Variants in CACNA1B observed in about 807,000 individuals in gnomAD.
The protein encoded by CACNA1B is voltage-dependent N-type calcium channel subunit alpha-1B.
A neutral mutation model predicts 247.2 loss-of-function variants in CACNA1B; 70 were observed. The observed-to-expected ratio is 0.28, with a 90% CI of 0.23 to 0.35. The LOEUF (loss-of-function observed/expected upper bound fraction) is 0.35, where lower values mean the gene tolerates loss of function less well. Ranked by LOEUF, CACNA1B falls within the 10% of genes least tolerant of loss-of-function variation. The pLI, the probability that CACNA1B is intolerant of heterozygous loss-of-function variation, is 1.00. For synonymous variants in CACNA1B, 1,231 were observed against 1,294.4 expected (o/e 0.95, Z 1.05); for missense variants, 2,367 against 3,197.4 (o/e 0.74, Z 6.26).
At chr9:138,115,946 G>A (rs1961838375) in intron 42 of CACNA1B, among the ~76,000 whole-genome samples, 1 of 152,252 alleles carries the variant, frequency 6.6e-6, no homozygotes, top group African/African-American at 2.4e-5. Context: ...CTTGCTGCCT[G>A]AGAGCAGTCA....
intron 6 of CACNA1B, among the ~76,000 whole-genome samples, chr9:137,924,006 G>A (rs1373617927): frequency 6.6e-6 from 1 of 152,108 alleles, no homozygotes; most frequent in Non-Finnish European, 1.5e-5. Flanking sequence ...TCTAGGAACT[G>A]GTTCTTTGTC....
In CACNA1B at chr9:138,121,574, C is replaced by T; in HGVS notation, c.6595C>T (p.Pro2199Ser). ...CCCCCAGACGCCCCTGACTCCCCGC[C>T]CCAGCATCACCTACAAGACGGCCAA... Reference protein sequence around the residue: ...QLPQTPLTPRPSITYKTANSS... With the variant: ...QLPQTPLTPRSSITYKTANSS... The change falls in exon 47 of 47, where the codon CCC (proline) becomes TCC (serine). Residue 2199 changes from proline to serine, a missense_variant. Physicochemically the swap from Pro to Ser is moderately conservative, Grantham distance 74. This residue lies in a region of CACNA1B where 773 missense variants were observed against 779.4 expected (regional missense o/e 0.99). Transcript: ENST00000371372. This position sits in a 1 kb window ranked among gnomAD's most constrained non-coding sequence, Gnocchi z 6.8. 1 of 1,611,514 alleles carries T rather than the reference C, an allele frequency of 6.2e-7. No individual in the cohort carries two copies. The highest frequency in any genetic ancestry group is 8.5e-7 in the Non-Finnish European group (1 of 1,178,408).
chr9:137,968,408 C>T (rs1205215624), intron 10 of CACNA1B, among the ~76,000 whole-genome samples: 1 of 152,238 alleles, frequency 6.6e-6, no homozygotes, highest in African/African-American at 2.4e-5. Flanking sequence ...TGCTGTCTCA[C>T]TGAATCCCAC....
At chr9:137,942,291 C>A (rs1374590230) in intron 6 of CACNA1B, among the ~76,000 whole-genome samples, 1 of 152,094 alleles carries the variant, frequency 6.6e-6, no homozygotes, top group Non-Finnish European at 1.5e-5. Context: ...CTTACTCCTG[C>A]AAGAATGGTG....
At chr9:137,883,748 G>A (rs1956962387) in intron 3 of CACNA1B, among the ~76,000 whole-genome samples, 1 of 152,220 alleles carries the variant, frequency 6.6e-6, no homozygotes, top group African/African-American at 2.4e-5. Flanking sequence ...TGCTGGGCCA[G>A]GGACCACTGT....
At position 137,952,372 on chromosome 9, in the gene CACNA1B, C is replaced by T. The variant is rs200389919; in HGVS notation, c.1065C>T (p.Leu355=). The change falls in exon 7 of 47, where the codon CTC becomes CTT. Residue 355 remains leucine (L), a synonymous_variant. Coordinates refer to ENST00000371372, the MANE Select transcript of CACNA1B (RefSeq NM_000718.4). The surrounding 1 kb of genome is among the most constrained non-coding windows in gnomAD (Gnocchi z 4.8). ...FFMLNLVLGV[L]SGEFAKERER... ...TGCTCAACCTGGTGCTGGGCGTGCT[C>T]TCGGGGTGAGAGACCATGTGGGGGA... is the stretch of plus-strand genomic sequence containing the variant. 2.5e-6 allele frequency: 4 copies of T among 1,613,314 alleles called. No individual in the cohort carries two copies. The highest frequency in any genetic ancestry group is 2.5e-6 in the Non-Finnish European group (3 of 1,179,342).
At position 138,096,483 on chromosome 9, in the gene CACNA1B, G is replaced by A; in HGVS notation, c.5095-1G>A. 6.2e-7 allele frequency: 1 copy of A among 1,613,312 alleles called. No homozygotes were observed. The highest frequency in any genetic ancestry group is 8.5e-7 in the Non-Finnish European group (1 of 1,179,468). On this transcript the variant is annotated splice_acceptor_variant, in intron 36 of 46. Coordinates refer to ENST00000371372, the MANE Select transcript of CACNA1B (RefSeq NM_000718.4). LOFTEE classifies it high-confidence loss of function. ...CACCTGTTCTCCTTCCTGTCCTGCA[G>A]ATGTTGAACCTCTTTGTGGCTGTGA...
chr9:138,012,288 T>C lies in CACNA1B; in HGVS notation c.2161-841T>C, dbSNP rs1589067413. Among the ~76,000 whole-genome samples, 1 of 152,278 alleles carries C rather than the reference T, an allele frequency of 6.6e-6. No individual in the cohort carries two copies. Among genetic ancestry groups the C allele is most frequent in the East Asian group, 1.9e-4 (1 of 5,172 alleles). Reference sequence around the variant, plus strand: ...CCACTGGACACCCTCCTGGTGGCAGTGCTTGTGGGCAGTGCTGGGTCAGGA... The same window carrying C: ...CCACTGGACACCCTCCTGGTGGCAGCGCTTGTGGGCAGTGCTGGGTCAGGA... On this transcript the variant is annotated intron_variant, in intron 17 of 46. Transcript: ENST00000371372. This position sits in a 1 kb window ranked among gnomAD's most constrained non-coding sequence, Gnocchi z 4.2.
chr9:137,978,423 G>A (rs940520269), intron 12 of CACNA1B, among the ~76,000 whole-genome samples: 1 of 148,352 alleles, frequency 6.7e-6, no homozygotes, highest in Non-Finnish European at 1.5e-5. Flanking sequence ...AGGAGTGACA[G>A]GTGGGAGCAC....
At chr9:137,975,094 T>C (rs907053160) in intron 11 of CACNA1B, among the ~76,000 whole-genome samples, 3 of 152,176 alleles carry the variant, frequency 2.0e-5, no homozygotes, top group East Asian at 1.9e-4. Flanking sequence ...CTTCCCTCTT[T>C]CTGCTTGGGC....
Position 137,888,233 on chromosome 9 carries a change from C to T in CACNA1B, c.530+5350C>T, listed in dbSNP as rs1957044379. ...CAGAAAAGGTAGAGCCCACGGGAAG[C>T]CCCGTGGTGCCTCCGGAGTCTGTCA... On this transcript the variant is annotated intron_variant, in intron 3 of 46. Coordinates refer to ENST00000371372, the MANE Select transcript of CACNA1B (RefSeq NM_000718.4). The surrounding 1 kb of genome is among the most constrained non-coding windows in gnomAD (Gnocchi z 4.7). Among the ~76,000 whole-genome samples, 1 of 152,092 alleles carries T rather than the reference C, an allele frequency of 6.6e-6. No individual in the cohort carries two copies. Among genetic ancestry groups the T allele is most frequent in the Non-Finnish European group, 1.5e-5 (1 of 67,990 alleles).
chr9:138,120,066 G>GGGCCTGCTGTCT, intron 44 of CACNA1B, 99 bp from the exon 45 acceptor site: 1 of 998,498 alleles, frequency 1.0e-6, no homozygotes. Flanking sequence ...GGGGGCGTGT[G>GGGCCTGCTGTCT]GGCCTGCTGT....
At chr9:138,026,844 C>G (rs974236614) in intron 20 of CACNA1B, among the ~76,000 whole-genome samples, 1 of 152,208 alleles carries the variant, frequency 6.6e-6, no homozygotes, top group Non-Finnish European at 1.5e-5. Context: ...AAGAAACTGA[C>G]AAACTATCTT....
rs1347832952 is a variant in CACNA1B at position 138,123,580 on chromosome 9, G to A, written c.*1581G>A. On this transcript the variant is annotated 3_prime_UTR_variant, in exon 47 of 47. Coordinates refer to ENST00000371372, the MANE Select transcript of CACNA1B (RefSeq NM_000718.4). ...GTGTGATGTGTGTGTGTGTGTGTGT[G>A]TGTGTGTGTCTGTGTCACAGGAGAT... 1 of 152,290 alleles carries A rather than the reference G, an allele frequency of 6.6e-6. No individual in the cohort carries two copies. The highest frequency in any genetic ancestry group is 1.5e-5 in the Non-Finnish European group (1 of 68,148). 9.4% of individuals were successfully genotyped at this position (152,290 alleles called of 1,614,324 possible).
At position 137,881,685 on chromosome 9, in the gene CACNA1B, C is replaced by T. The variant is rs1468375865; in HGVS notation, c.391-1059C>T. Among the ~76,000 whole-genome samples, 1 of 152,214 alleles carries T rather than the reference C, an allele frequency of 6.6e-6. No individual in the cohort carries two copies. Among genetic ancestry groups the T allele is most frequent in the Non-Finnish European group, 1.5e-5 (1 of 68,026 alleles). On this transcript the variant is annotated intron_variant, in intron 2 of 46. Transcript: ENST00000371372. This position sits in a 1 kb window ranked among gnomAD's most constrained non-coding sequence, Gnocchi z 4.3. ...TGCCTTGCACAGGGCCTTTCCCTGC[C>T]AGCCCCACGCGTGTGCTCACGAGGA...
rs111865670 is a variant in CACNA1B at position 137,941,113 on chromosome 9, G to A, written c.967-11161G>A. Among the ~76,000 whole-genome samples, 1,230 of 152,260 alleles carry A rather than the reference G, an allele frequency of 8.1e-3. 7 individuals are homozygous for A. Among genetic ancestry groups the A allele is most frequent in the South Asian group, 0.012 (60 of 4,820 alleles). On this transcript the variant is annotated intron_variant, in intron 6 of 46. Coordinates refer to ENST00000371372, the MANE Select transcript of CACNA1B (RefSeq NM_000718.4). ...AAAGGTTATCCAAATTGGGAAAGAGGAAGTCAGACTGTCGCTGTTTGTTTG... is the reference window on the plus strand; with the variant it reads ...AAAGGTTATCCAAATTGGGAAAGAGAAAGTCAGACTGTCGCTGTTTGTTTG...
chr9:137,917,753 G>T lies in CACNA1B; in HGVS notation c.966+322G>T, dbSNP rs1011676275. 1.3e-5 allele frequency among the ~76,000 whole-genome samples: 2 copies of T among 152,224 alleles called. No homozygotes were observed. The highest frequency in any genetic ancestry group is 2.4e-5 in the African/African-American group (1 of 41,450). Reference sequence around the variant, plus strand: ...TGCTGCTGTTTCTGTTGGCAAGGACGATAGTAGCACTGCTAGCTGCTCTGG... The same window carrying T: ...TGCTGCTGTTTCTGTTGGCAAGGACTATAGTAGCACTGCTAGCTGCTCTGG... On this transcript the variant is annotated intron_variant, in intron 6 of 46. Transcript: ENST00000371372. The surrounding 1 kb of genome is among the most constrained non-coding windows in gnomAD (Gnocchi z 5.5).
intron 3 of CACNA1B, among the ~76,000 whole-genome samples, chr9:137,896,770 G>A (rs34595384): frequency 0.084 from 12,822 of 152,152 alleles, 648 homozygotes; most frequent in Admixed American, 0.13. Context: ...CTTTTTGGGA[G>A]CTTTCAAGTT....
At chr9:138,118,618 G>T in intron 43 of CACNA1B, 34 bp from the exon 44 acceptor site, 4 of 1,076,016 alleles carry the variant, frequency 3.7e-6, no homozygotes, top group Non-Finnish European at 5.6e-6. Context: ...GCGGTGCCTT[G>T]TGTGGTGGGA....
Sources: gnomAD v4.1 joint callset for allele counts (sites outside exome capture counted in the v4.1 genomes callset) on GRCh38, gnomAD v4.1.1 for gene constraint, gnomAD v4.1.1 regional missense constraint, Gnocchi (gnomAD v3.1) non-coding constraint, MANE v1.5 for transcripts, NCBI Gene and HGNC (gene_info 2026-07-23, HGNC 2026-07-21) for gene names.